The following LYPLAL1 variants were observed in gnomAD, a reference collection of about 807,000 sequenced individuals.
LYPLAL1 encodes lysophospholipase-like protein 1.
A neutral mutation model predicts 19.7 loss-of-function variants in LYPLAL1; 23 were observed. The observed-to-expected ratio is 1.17, with a 90% CI of 0.84 to 1.65. The LOEUF (loss-of-function observed/expected upper bound fraction) is 1.65. Among genes scored for constraint, LYPLAL1 ranks in the 40% most tolerant of loss-of-function variants. LYPLAL1 has a pLI of 0.00. For missense variants in LYPLAL1, 355 were observed against 279.4 expected (o/e 1.27, Z -1.93); for synonymous variants, 119 against 96.3 (o/e 1.24, Z -1.38).
chr1:219,233,911 C>T, the LYPLAL1 span, among the ~76,000 whole-genome samples: 1 of 151,990 alleles, frequency 6.6e-6, no homozygotes, highest in Non-Finnish European at 1.5e-5. Context: ...CTAAGTATGA[C>T]CATACATAGG....
the LYPLAL1 span, among the ~76,000 whole-genome samples, chr1:219,227,763 C>G: frequency 6.6e-6 from 1 of 152,164 alleles, no homozygotes; most frequent in South Asian, 2.1e-4. Context: ...ATATGGTTTT[C>G]TTAACGGAGA....
chr1:219,379,302 T>C, the LYPLAL1 span, among the ~76,000 whole-genome samples: 1 of 152,170 alleles, frequency 6.6e-6, no homozygotes, highest in Non-Finnish European at 1.5e-5. Context: ...TCTTTCATCC[T>C]TGGGGTCGAG....
chr1:219,377,580 A>T, the LYPLAL1 span, among the ~76,000 whole-genome samples: 27 of 152,152 alleles, frequency 1.8e-4, no homozygotes, highest in Admixed American at 6.5e-5. Flanking sequence ...TTATTTTTTT[A>T]CAAAAGGACT....
intron 3 of LYPLAL1, among the ~76,000 whole-genome samples, chr1:219,195,895 A>G (rs895988672): frequency 1.3e-5 from 2 of 151,768 alleles, no homozygotes; most frequent in African/African-American, 2.4e-5. Context: ...CTCTGTGTCC[A>G]TGTGTTCTCA....
chr1:219,269,028 G>A, the LYPLAL1 span, among the ~76,000 whole-genome samples: 5 of 152,204 alleles, frequency 3.3e-5, no homozygotes, highest in Non-Finnish European at 7.3e-5. Context: ...TGATGTAGCC[G>A]GTCAAGGCAG....
downstream of LYPLAL1, among the ~76,000 whole-genome samples, chr1:219,213,576 A>ATAC (rs1230282281): frequency 2.6e-5 from 4 of 152,004 alleles, no homozygotes; most frequent in African/African-American, 9.7e-5. Flanking sequence ...ACTTATTTAG[A>ATAC]TACTTGATTT....
intron 2 of LYPLAL1, among the ~76,000 whole-genome samples, chr1:219,191,956 GT>G (rs932006774): frequency 2.0e-5 from 3 of 147,616 alleles, no homozygotes; most frequent in Admixed American, 6.8e-5. Context: ...TTGTTTCCAG[GT>G]TTTTTTTTTA....
chr1:219,437,319 G>C, the LYPLAL1 span: 1 of 152,264 alleles, frequency 6.6e-6, no homozygotes, highest in African/African-American at 2.4e-5. Context: ...CATCCCACCT[G>C]TAAAGCATTA....
chr1:219,304,938 A>G, the LYPLAL1 span, among the ~76,000 whole-genome samples: 1 of 152,238 alleles, frequency 6.6e-6, no homozygotes, highest in Admixed American at 6.5e-5. Flanking sequence ...CAAAAATTCC[A>G]GTGTCAGATA....
the LYPLAL1 span, among the ~76,000 whole-genome samples, chr1:219,289,087 G>GT: frequency 6.4e-5 from 9 of 139,980 alleles, no homozygotes; most frequent in South Asian, 1.3e-3. Context: ...TGTTTTTTTT[G>GT]TTTTTTTTGC....
the LYPLAL1 span, among the ~76,000 whole-genome samples, chr1:219,288,593 AT>A: frequency 6.6e-6 from 1 of 152,198 alleles, no homozygotes; most frequent in Non-Finnish European, 1.5e-5. Flanking sequence ...ATTATTATAC[AT>A]TTACCTAAAC....
the LYPLAL1 span, among the ~76,000 whole-genome samples, chr1:219,389,171 C>T: frequency 1.3e-5 from 2 of 152,124 alleles, no homozygotes; most frequent in Non-Finnish European, 2.9e-5. Flanking sequence ...GTTAATAATT[C>T]AGACATGCAG....
the LYPLAL1 span, among the ~76,000 whole-genome samples, chr1:219,340,993 T>G: frequency 6.6e-6 from 1 of 152,214 alleles, no homozygotes; most frequent in South Asian, 2.1e-4. Flanking sequence ...AGTCTTTGTC[T>G]GAACTAATTC....
the LYPLAL1 span, among the ~76,000 whole-genome samples, chr1:219,220,065 T>A: frequency 1.3e-5 from 2 of 152,080 alleles, no homozygotes. Flanking sequence ...GCTTTCCCTA[T>A]AATAATTTTG....
At chr1:219,287,781 C>A in the LYPLAL1 span, among the ~76,000 whole-genome samples, 1 of 152,284 alleles carries the variant, frequency 6.6e-6, no homozygotes, top group Admixed American at 6.5e-5. Flanking sequence ...GATGGAGGGG[C>A]CTGGTGGGAG....
At chr1:219,405,655 T>A in the LYPLAL1 span, among the ~76,000 whole-genome samples, 1 of 152,198 alleles carries the variant, frequency 6.6e-6, no homozygotes, top group Non-Finnish European at 1.5e-5. Context: ...ACCCAATAAA[T>A]GTTTGCAAGG....
intron 1 of LYPLAL1, among the ~76,000 whole-genome samples, chr1:219,177,022 C>A (rs1052465641): frequency 6.6e-6 from 1 of 152,160 alleles, no homozygotes; most frequent in Non-Finnish European, 1.5e-5. Flanking sequence ...GGGGATTCTT[C>A]CATGGATGAG....
intron 3 of LYPLAL1, among the ~76,000 whole-genome samples, chr1:219,194,434 T>A (rs535064519): frequency 6.6e-6 from 1 of 152,154 alleles, no homozygotes; most frequent in African/African-American, 2.4e-5. Context: ...CACTATGTGC[T>A]ACGCATTATT....
chr1:219,326,324 G>A, the LYPLAL1 span, among the ~76,000 whole-genome samples: 18 of 146,152 alleles, frequency 1.2e-4, no homozygotes, highest in African/African-American at 3.7e-4. Flanking sequence ...GGGTGGGGGG[G>A]CATTGAATGA....
Sources: gnomAD v4.1 joint callset for allele counts (sites outside exome capture counted in the v4.1 genomes callset) on GRCh38, gnomAD v4.1.1 for gene constraint, MANE v1.5 for transcripts, NCBI Gene and HGNC (gene_info 2026-07-23, HGNC 2026-07-21) for gene names.